STAG1: variants seen among roughly 807,000 people sequenced by gnomAD.
STAG1 encodes cohesin subunit SA-1.
Under a neutral mutation model 170.9 loss-of-function variants are expected in STAG1, and 26 were observed. That is an observed-to-expected ratio of 0.15 (90% CI 0.11 to 0.21). The LOEUF is 0.21. Among genes scored for constraint, STAG1 ranks in the 10% least tolerant of loss-of-function variants. The pLI, the probability that STAG1 is intolerant of heterozygous loss-of-function variation, is 1.00. For missense variants in STAG1, 964 were observed against 1,509.5 expected (o/e 0.64, Z 5.99); for synonymous variants, 514 against 497.7 (o/e 1.03, Z -0.44).
intron 1 of STAG1, among the ~76,000 whole-genome samples, chr3:136,751,557 G>A (rs999472243): frequency 1.3e-5 from 2 of 152,086 alleles, no homozygotes; most frequent in South Asian, 2.1e-4. Context: ...AGGGCAGATA[G>A]CTGGAAAGCC....
chr3:136,502,736 G>A lies in STAG1; in HGVS notation c.720C>T (p.Leu240=), dbSNP rs1205445162. 6.2e-6 allele frequency: 10 copies of A among 1,612,674 alleles called. No homozygotes were observed. In the South Asian group the frequency reaches 8.8e-5, roughly 14 times the overall value. ...TCTGGGTATTATCCTGATGAATACT[G>A]AGGTTTAAGGCAACATTCACCAGAG... is the stretch of plus-strand genomic sequence containing the variant. The part of the protein sequence containing the change: ...MTALVNVALN[L]SIHQDNTQRQ... The change falls in exon 8 of 34, where the codon CTC becomes CTT. Residue 240 remains leucine, a synonymous_variant. Transcript: ENST00000383202.
intron 2 of STAG1, among the ~76,000 whole-genome samples, chr3:136,625,158 T>C (rs917558984): frequency 2.6e-5 from 4 of 152,214 alleles, no homozygotes; most frequent in African/African-American, 9.6e-5. Flanking sequence ...CTGCATAAAA[T>C]TGTAAAGAGT....
chr3:136,598,422 CTTTT>C (rs1164174284), intron 4 of STAG1, among the ~76,000 whole-genome samples: 1 of 145,970 alleles, frequency 6.9e-6, no homozygotes, highest in South Asian at 2.2e-4. Flanking sequence ...TTAATACAAC[CTTTT>C]TTTTTTTTCT....
At chr3:136,690,065 A>AAAAAAAAAAAAAAAAT (rs1942671290) in intron 1 of STAG1, among the ~76,000 whole-genome samples, 1 of 149,990 alleles carries the variant, frequency 6.7e-6, no homozygotes, top group Non-Finnish European at 1.5e-5. Context: ...CCAAAAAAAA[A>AAAAAAAAAAAAAAAAT]AAAAAAAAAA....
chr3:136,607,238 G>A (rs939075137), intron 3 of STAG1, among the ~76,000 whole-genome samples: 27 of 152,088 alleles, frequency 1.8e-4, no homozygotes, highest in Admixed American at 1.3e-4. Context: ...CATTTAAGGG[G>A]TAGGAAGTTC....
At chr3:136,356,044 C>T (rs535969975) in intron 28 of STAG1, among the ~76,000 whole-genome samples, 4 of 151,422 alleles carry the variant, frequency 2.6e-5, no homozygotes, top group Non-Finnish European at 4.4e-5. Flanking sequence ...CTGAAACTCT[C>T]GTTTGTCTGC....
At chr3:136,374,054 C>G (rs1344547788) in intron 23 of STAG1, among the ~76,000 whole-genome samples, 9 of 152,214 alleles carry the variant, frequency 5.9e-5, no homozygotes, top group African/African-American at 1.4e-4. Flanking sequence ...ATTTAGGATA[C>G]TTAGCTCTTC....
intron 21 of STAG1, among the ~76,000 whole-genome samples, chr3:136,400,762 T>C (rs1045980710): frequency 6.6e-6 from 1 of 151,914 alleles, no homozygotes; most frequent in Admixed American, 6.6e-5. Flanking sequence ...TCTTGAACTG[T>C]TGACCTCATG....
At chr3:136,496,122 C>A (rs1398177024) in intron 9 of STAG1, among the ~76,000 whole-genome samples, 1 of 151,848 alleles carries the variant, frequency 6.6e-6, no homozygotes, top group African/African-American at 2.4e-5. Flanking sequence ...CCAGCCTGGG[C>A]AACAAGAGGG....
At chr3:136,355,062 G>C (rs1413258941) in intron 28 of STAG1, among the ~76,000 whole-genome samples, 4 of 151,816 alleles carry the variant, frequency 2.6e-5, no homozygotes, top group African/African-American at 9.7e-5. Flanking sequence ...AATTAAAAAT[G>C]TATGTACAGG....
chr3:136,538,565 T>C (rs1424846442), intron 6 of STAG1, among the ~76,000 whole-genome samples: 1 of 152,090 alleles, frequency 6.6e-6, no homozygotes, highest in South Asian at 2.1e-4. Flanking sequence ...ATTACAGGCA[T>C]GTGCCACCAC....
intron 4 of STAG1, among the ~76,000 whole-genome samples, chr3:136,597,052 C>T (rs559124475): frequency 1.3e-5 from 2 of 152,022 alleles, no homozygotes; most frequent in Admixed American, 1.3e-4. Flanking sequence ...CCCCAATCTG[C>T]GCGACAGAGC....
chr3:136,559,990 A>AT (rs1263696236), intron 5 of STAG1, among the ~76,000 whole-genome samples: 7 of 152,218 alleles, frequency 4.6e-5, no homozygotes, highest in Admixed American at 1.3e-4. Flanking sequence ...TAGTTTGGAC[A>AT]TAACAACTTC....
At chr3:136,590,837 A>T (rs934947592) in intron 4 of STAG1, among the ~76,000 whole-genome samples, 1 of 152,318 alleles carries the variant, frequency 6.6e-6, no homozygotes, top group East Asian at 1.9e-4. Context: ...ATCAGTTCTA[A>T]AATATGTGCC....
At chr3:136,736,410 TG>T in intron 1 of STAG1, 2 of 939,204 alleles carry the variant, frequency 2.1e-6, no homozygotes, top group Non-Finnish European at 3.4e-6. Flanking sequence ...TATGTTGGGG[TG>T]GAAGTGGGAG....
At chr3:136,510,095 A>G (rs1009621808) in intron 7 of STAG1, among the ~76,000 whole-genome samples, 1 of 152,236 alleles carries the variant, frequency 6.6e-6, no homozygotes, top group Admixed American at 6.5e-5. Flanking sequence ...ACCTAAAAAC[A>G]GAACTACCAT....
intron 6 of STAG1, among the ~76,000 whole-genome samples, chr3:136,541,554 A>ACT (rs1553743109): frequency 1.4e-3 from 211 of 150,254 alleles, no homozygotes; most frequent in Middle Eastern, 3.4e-3. Flanking sequence ...ACACACACAC[A>ACT]CACACACACA....
At chr3:136,668,404 TATA>T (rs1279044465) in intron 1 of STAG1, among the ~76,000 whole-genome samples, 1 of 146,074 alleles carries the variant, frequency 6.8e-6, no homozygotes, top group East Asian at 1.9e-4. Context: ...ATATATTATG[TATA>T]ATATATATAA....
chr3:136,349,678 T>C (rs1328859618), intron 28 of STAG1, among the ~76,000 whole-genome samples: 3 of 152,206 alleles, frequency 2.0e-5, no homozygotes, highest in African/African-American at 4.8e-5. Flanking sequence ...CTCAAAAAGA[T>C]TATTGAGTTT....
Sources: gnomAD v4.1 joint callset for allele counts (sites outside exome capture counted in the v4.1 genomes callset) on GRCh38, gnomAD v4.1.1 for gene constraint, MANE v1.5 for transcripts, NCBI Gene and HGNC (gene_info 2026-07-23, HGNC 2026-07-21) for gene names.